ZNF639: variants seen among roughly 807,000 people sequenced by gnomAD.
ZNF639 encodes the protein zinc finger amplified in esophageal squamous cell carcinomas 1.
ZNF639 carries 20 observed loss-of-function variants against 39.8 expected under a neutral mutation model. That is an observed-to-expected ratio of 0.50 (90% CI 0.35 to 0.73). The LOEUF (loss-of-function observed/expected upper bound fraction) is 0.73, where lower values mean the gene tolerates loss of function less well. Among genes scored for constraint, ZNF639 ranks in the 30% least tolerant of loss-of-function variants. ZNF639 has a pLI of 0.00. For missense variants in ZNF639, 477 were observed against 566.2 expected, an observed-to-expected ratio of 0.84 and a Z score of 1.60; for synonymous variants, 176 against 189.8, an observed-to-expected ratio of 0.93 and a Z score of 0.60.
chr3:179,328,335 C>T lies in ZNF639; in HGVS notation c.42C>T (p.His14=). The stretch of plus-strand genomic sequence containing the variant: ...AAAAAAGAAAAAGGAAGACTCTACA[C>T]CCTTCTCGTTATTCAGGTCAGTGTA... The part of the protein sequence containing the change: ...YPKKRKRKTL[H]PSRYSDSSGI... Residue 14 remains histidine, a synonymous_variant, in exon 3 of 6, where the codon CAC becomes CAT. Coordinates refer to ENST00000496856, the MANE Select transcript of ZNF639 (RefSeq NM_001303426.2). 1 of 1,585,974 alleles carries T rather than the reference C, an allele frequency of 6.3e-7. No individual in the cohort carries two copies. Among genetic ancestry groups the T allele is most frequent in the Non-Finnish European group, 8.6e-7 (1 of 1,167,026 alleles).
At chr3:179,329,889 A>C (rs1180869099) in intron 4 of ZNF639, 161 bp downstream of exon 4, 3 of 417,868 alleles carry the variant, frequency 7.2e-6, no homozygotes, top group Non-Finnish European at 8.5e-6. Context: ...TTTTTAAGAA[A>C]GCAAGTAATT....
Position 179,334,458 on chromosome 3 carries a change from TA to T in ZNF639, c.*38del. ...TAACTTACAGAATGTTAGTTTAAAA[TA>T]ATAAATTCATCCTTTTTTTGGAGAT... On this transcript the variant is annotated 3_prime_UTR_variant, in exon 6 of 6. Transcript: ENST00000496856. The T allele has an allele frequency of 7.0e-7, 1 of 1,432,556 alleles. No individual in the cohort carries two copies. The highest frequency in any genetic ancestry group is 9.3e-7 in the Non-Finnish European group (1 of 1,079,588). 88.7% of individuals were successfully genotyped at this position (1,432,556 alleles called of 1,614,324 possible). A position where few individuals can be genotyped will look rare whatever the true frequency, so the allele number is the denominator to read the frequency against.
chr3:179,323,267 C>G lies in ZNF639; in HGVS notation c.-107C>G. ...CGCCGCCGCCTCTGCGTGGGCCGGC[C>G]GGGAGGGCCTCGGGGGACTGACTGG... On this transcript the variant is annotated 5_prime_UTR_variant, in exon 1 of 6. Coordinates refer to ENST00000496856, the MANE Select transcript of ZNF639 (RefSeq NM_001303426.2). The G allele has an allele frequency of 1.0e-6, 1 of 985,224 alleles. No homozygotes were observed. Among genetic ancestry groups the G allele is most frequent in the Non-Finnish European group, 1.2e-6 (1 of 829,950 alleles). The allele number at this position is 985,224 out of a possible 1,614,324, so 61.0% of individuals were successfully genotyped here.
At chr3:179,332,448 C>T (rs1213345418) in intron 4 of ZNF639, among the ~76,000 whole-genome samples, 5 of 152,104 alleles carry the variant, frequency 3.3e-5, no homozygotes, top group Admixed American at 3.3e-4. Context: ...CATAGCAAGA[C>T]CCCATCTCAA....
upstream of ZNF639, chr3:179,322,899 C>CGCGGGCCGCTGGGCCTCCCCCGGGGCT: frequency 1.0e-6 from 1 of 985,130 alleles, no homozygotes; most frequent in Non-Finnish European, 1.2e-6. Flanking sequence ...CGGCAGGGGG[C>CGCGGGCCGCTGGGCCTCCCCCGGGGCT]GCGGGCCGCT....
At chr3:179,323,010 C>G (rs1479916188), upstream of ZNF639, 7 of 985,270 alleles carry the variant, frequency 7.1e-6, no homozygotes, top group South Asian at 2.3e-4. Flanking sequence ...CGTCACCTCC[C>G]CGCCCTCTCG....
In ZNF639 at chr3:179,333,482, C is replaced by A. The variant is rs550278054; in HGVS notation, c.518C>A (p.Ala173Asp). The change falls in exon 6 of 6, where the codon GCT (alanine) becomes GAT (aspartate). Residue 173 changes from alanine (A) to aspartate (D), a missense_variant. Coordinates refer to ENST00000496856, the MANE Select transcript of ZNF639 (RefSeq NM_001303426.2). ...GACCAAACTGATGAAGAACCGCCAG[C>A]TAAACTTTGTAAAATTCTTGACAAG... ...LQDQTDEEPPAKLCKILDKSQ... is the reference protein window; with the variant it reads ...LQDQTDEEPPDKLCKILDKSQ... 2.5e-6 allele frequency: 4 copies of A among 1,614,144 alleles called. No individual in the cohort carries two copies. In the Middle Eastern group the frequency reaches 6.6e-4, roughly 266 times the overall value.
intron 4 of ZNF639, among the ~76,000 whole-genome samples, chr3:179,330,635 C>CA (rs1452969546): frequency 2.6e-5 from 4 of 152,118 alleles, no homozygotes; most frequent in Non-Finnish European, 4.4e-5. Flanking sequence ...AGGAGTGACT[C>CA]AGAGTTGGAG....
chr3:179,333,213 T>C, intron 5 of ZNF639, 56 bp from the exon 6 acceptor site: 4 of 1,560,080 alleles, frequency 2.6e-6, no homozygotes, highest in East Asian at 4.5e-5. Flanking sequence ...TGCCCAGTTG[T>C]ATTTAACAGA....
At chr3:179,331,811 G>A (rs1044188794) in intron 4 of ZNF639, among the ~76,000 whole-genome samples, 1 of 148,188 alleles carries the variant, frequency 6.7e-6, no homozygotes, top group Admixed American at 6.7e-5. Flanking sequence ...ACTTTATAGT[G>A]TTGAAACCTG....
At chr3:179,331,099 A>G (rs539656578) in intron 4 of ZNF639, among the ~76,000 whole-genome samples, 1 of 152,350 alleles carries the variant, frequency 6.6e-6, no homozygotes, top group African/African-American at 2.4e-5. Context: ...AGCATTTTGT[A>G]GTGCTGGAAA....
intron 3 of ZNF639, 121 bp downstream of exon 3, chr3:179,328,472 C>T: frequency 1.6e-6 from 1 of 615,960 alleles, no homozygotes; most frequent in Non-Finnish European, 2.7e-6. Flanking sequence ...TTAGGTAAAA[C>T]AACGGTTTAA....
At chr3:179,322,912 G>A, upstream of ZNF639, 2 of 985,186 alleles carry the variant, frequency 2.0e-6, no homozygotes, top group African/African-American at 3.5e-5. Context: ...GGGCCGCTGG[G>A]CCTCCCCCGG....
intron 4 of ZNF639, among the ~76,000 whole-genome samples, chr3:179,331,912 C>G (rs951397275): frequency 1.3e-5 from 2 of 151,684 alleles, no homozygotes; most frequent in African/African-American, 4.8e-5. Flanking sequence ...ATGAAAATGG[C>G]AATTTACCTC....
chr3:179,333,823 C>G lies in ZNF639; in HGVS notation c.859C>G (p.His287Asp). The G allele has an allele frequency of 6.2e-7, 1 of 1,614,142 alleles. No individual in the cohort carries two copies. Among genetic ancestry groups the G allele is most frequent in the Non-Finnish European group, 8.5e-7 (1 of 1,180,022 alleles). The change falls in exon 6 of 6, where the codon CAC (histidine) becomes GAC (aspartate). Residue 287 changes from histidine to aspartate, a missense_variant. Coordinates refer to ENST00000496856, the MANE Select transcript of ZNF639 (RefSeq NM_001303426.2). ...CATTGCAGACACCCATTTTAGTGAT[C>G]ACCTCTATTGGTGTGAACAGTGTGA... is the stretch of plus-strand genomic sequence containing the variant. The part of the protein sequence containing the change: ...QHIADTHFSD[H>D]LYWCEQCDVQ...
intron 1 of ZNF639, among the ~76,000 whole-genome samples, 159 bp from the exon 2 acceptor site, chr3:179,327,402 T>C (rs1422587820): frequency 2.6e-5 from 4 of 152,340 alleles, no homozygotes; most frequent in Middle Eastern, 3.4e-3. Context: ...TATCAAGATA[T>C]ACAGTTTTTA....
At chr3:179,323,869 TTTTGTC>T (rs1055656263) in intron 1 of ZNF639, 2 of 152,188 alleles carry the variant, frequency 1.3e-5, no homozygotes, top group African/African-American at 4.8e-5. Flanking sequence ...CCTTTTTTGG[TTTTGTC>T]TTTAAGTACT....
At position 179,333,882 on chromosome 3, in the gene ZNF639, A is replaced by T. The variant is rs201583149; in HGVS notation, c.918A>T (p.Leu306=). Residue 306 remains leucine, a synonymous_variant, in exon 6 of 6, where the codon CTA becomes CTT. Coordinates refer to ENST00000496856, the MANE Select transcript of ZNF639 (RefSeq NM_001303426.2). ...TCTCCTCAAGCAGTGAACTCTACCT[A>T]CATTTCCAGGAGCACAGCTGTGATG... The part of the protein sequence containing the change: ...VQFSSSSELY[L]HFQEHSCDEQ... The T allele has an allele frequency of 3.1e-6, 5 of 1,614,200 alleles. No homozygotes were observed. In the South Asian group the frequency reaches 5.5e-5, roughly 18 times the overall value.
At chr3:179,324,398 T>G (rs112037305) in intron 1 of ZNF639, among the ~76,000 whole-genome samples, 4 of 151,826 alleles carry the variant, frequency 2.6e-5, no homozygotes, top group Admixed American at 1.3e-4. Flanking sequence ...GTTACATATG[T>G]CGTTTGTATT....
Sources: allele counts gnomAD v4.1 joint callset (sites outside exome capture counted in the v4.1 genomes callset), GRCh38; gene constraint gnomAD v4.1.1; transcripts MANE v1.5; gene names NCBI Gene and HGNC (gene_info 2026-07-23, HGNC 2026-07-21).